The following PRKAR1A variants were observed in gnomAD, a reference collection of about 807,000 sequenced individuals.
PRKAR1A encodes protein kinase cAMP-dependent type I regulatory subunit alpha.
In PRKAR1A, 3 loss-of-function variants were observed where a neutral mutation model predicts 52.0. The ratio of observed to expected loss-of-function variants is 0.06; its 90% CI spans 0.03 to 0.15. PRKAR1A has a LOEUF of 0.15. Among genes scored for constraint, PRKAR1A ranks in the 10% least tolerant of loss-of-function variants. The pLI is 1.00. For missense variants in PRKAR1A, 240 were observed against 477.4 expected, an observed-to-expected ratio of 0.50 and a Z score of 4.63; for synonymous variants, 188 against 168.4, an observed-to-expected ratio of 1.12 and a Z score of -0.90.
At chr17:68,454,884 C>T in the PRKAR1A span, among the ~76,000 whole-genome samples, 14 of 150,948 alleles carry the variant, frequency 9.3e-5, no homozygotes, top group African/African-American at 2.9e-4. Flanking sequence ...ATGAGAAAAT[C>T]ACAGAGTGAT....
At chr17:68,541,980 C>G in intron 11 of PRKAR1A, 1 of 1,612,506 alleles carries the variant, frequency 6.2e-7, no homozygotes, top group Non-Finnish European at 8.5e-7. Context: ...TGGGGACCAA[C>G]TCACTCCTCT....
the PRKAR1A span, among the ~76,000 whole-genome samples, chr17:68,465,625 A>AT: frequency 0.015 from 1,036 of 67,138 alleles, 44 homozygotes; most frequent in African/African-American, 0.037. Context: ...ACGCCCAGCA[A>AT]TTTTTTTTTT....
chr17:68,540,844 C>A (rs765729775), intron 11 of PRKAR1A: 5 of 1,593,644 alleles, frequency 3.1e-6, no homozygotes, highest in Non-Finnish European at 4.3e-6. Flanking sequence ...CGTGTGGGGA[C>A]CTACCTATCA....
At chr17:68,458,326 G>A in the PRKAR1A span, among the ~76,000 whole-genome samples, 21 of 152,316 alleles carry the variant, frequency 1.4e-4, no homozygotes, top group African/African-American at 4.8e-4. Flanking sequence ...ACAGTAAATG[G>A]TAGAATGTCT....
chr17:68,525,732 T>G (rs2085768941), intron 6 of PRKAR1A, 22 bp from the exon 7 acceptor site: 1 of 1,613,416 alleles, frequency 6.2e-7, no homozygotes, highest in African/African-American at 1.3e-5. Flanking sequence ...AATAAACTTT[T>G]TTGATGTCAC....
chr17:68,543,527 G>T, intron 11 of PRKAR1A: 1 of 1,009,046 alleles, frequency 9.9e-7, no homozygotes. Flanking sequence ...AAGCCAGAAG[G>T]AAGAAATGCC....
the PRKAR1A span, among the ~76,000 whole-genome samples, chr17:68,439,343 G>C: frequency 6.6e-6 from 1 of 152,166 alleles, no homozygotes. Context: ...AAGAACCTTG[G>C]AAACATTAGG....
chr17:68,466,885 G>A, the PRKAR1A span, among the ~76,000 whole-genome samples: 641 of 152,126 alleles, frequency 4.2e-3, 2 homozygotes, highest in Non-Finnish European at 5.1e-3. Flanking sequence ...CCATCACTCC[G>A]AAAGAAAACC....
At chr17:68,476,659 T>C in the PRKAR1A span, among the ~76,000 whole-genome samples, 1 of 150,626 alleles carries the variant, frequency 6.6e-6, no homozygotes, top group Non-Finnish European at 1.5e-5. Context: ...TCCCTCCCTC[T>C]CTCTCTCTCT....
the PRKAR1A span, among the ~76,000 whole-genome samples, chr17:68,499,642 G>C: frequency 1.3e-5 from 2 of 152,248 alleles, no homozygotes; most frequent in Non-Finnish European, 2.9e-5. Context: ...TGCACGTTGG[G>C]TTTCTCAGAA....
At chr17:68,549,266 A>T (rs2086721234) in intron 11 of PRKAR1A, among the ~76,000 whole-genome samples, 1 of 152,096 alleles carries the variant, frequency 6.6e-6, no homozygotes, top group Non-Finnish European at 1.5e-5. Context: ...AGGCCAAGAC[A>T]GGGGAATCGC....
At chr17:68,535,883 G>A (rs1568712328), downstream of PRKAR1A, 2 of 453,992 alleles carry the variant, frequency 4.4e-6, no homozygotes, top group Non-Finnish European at 4.4e-6. Flanking sequence ...ACAGTGAAAA[G>A]AAGACTTTGG....
At chr17:68,540,883 A>C in intron 11 of PRKAR1A, 1 of 1,605,086 alleles carries the variant, frequency 6.2e-7, no homozygotes, top group Non-Finnish European at 8.5e-7. Context: ...TGTCGATGAC[A>C]TTGAGGAGCC....
chr17:68,435,805 C>T, the PRKAR1A span: 1 of 1,162,206 alleles, frequency 8.6e-7, no homozygotes, highest in Non-Finnish European at 1.3e-6. Context: ...CTTTCTCCCT[C>T]CTTTGTCCAG....
Position 68,530,577 on chromosome 17 carries a change from T to A in PRKAR1A, c.*128T>A. The A allele has an allele frequency of 6.4e-7, 1 of 1,568,002 alleles. No homozygotes were observed. The highest frequency in any genetic ancestry group is 8.6e-7 in the Non-Finnish European group (1 of 1,157,918). The stretch of plus-strand genomic sequence containing the variant: ...TCGCAGCTTCCTGTCTGTTTATATA[T>A]TGAAAGTTGCTTTTATTGCACCATT... On this transcript the variant is annotated 3_prime_UTR_variant, in exon 11 of 11. Coordinates refer to ENST00000589228, the MANE Select transcript of PRKAR1A (RefSeq NM_002734.5).
chr17:68,471,335 G>A, the PRKAR1A span, among the ~76,000 whole-genome samples: 1 of 152,180 alleles, frequency 6.6e-6, no homozygotes. Flanking sequence ...TATTTAAAAT[G>A]TATATATGAA....
At chr17:68,433,522 G>A in the PRKAR1A span, 1 of 1,613,948 alleles carries the variant, frequency 6.2e-7, no homozygotes, top group South Asian at 1.1e-5. Flanking sequence ...GTTACTGGAG[G>A]CGCAGAGGAA....
the PRKAR1A span, among the ~76,000 whole-genome samples, chr17:68,466,867 A>G: frequency 2.6e-5 from 4 of 152,236 alleles, no homozygotes; most frequent in East Asian, 5.8e-4. Context: ...TCTGGTTCCA[A>G]AACATTTCCA....
chr17:68,481,180 C>T, the PRKAR1A span, among the ~76,000 whole-genome samples: 3 of 152,164 alleles, frequency 2.0e-5, no homozygotes, highest in African/African-American at 7.2e-5. Flanking sequence ...TCTTTGAAAG[C>T]TTAGTTACGC....
Sources: gnomAD v4.1 joint callset for allele counts (sites outside exome capture counted in the v4.1 genomes callset) on GRCh38, gnomAD v4.1.1 for gene constraint, MANE v1.5 for transcripts, NCBI Gene and HGNC (gene_info 2026-07-23, HGNC 2026-07-21) for gene names.